Variants in NEMF observed in about 807,000 individuals in gnomAD.
NEMF encodes ribosome quality control complex subunit NEMF.
In NEMF, 89 loss-of-function variants were observed where a neutral mutation model predicts 162.2. The ratio of observed to expected loss-of-function variants is 0.55; its 90% confidence interval spans 0.46 to 0.65. The LOEUF is 0.65. NEMF is among the 30% of genes least tolerant of loss of function. NEMF has a pLI of 0.00. For missense variants in NEMF, 1,133 were observed against 1,261.9 expected (o/e 0.90, Z 1.55); for synonymous variants, 421 against 404.5 (o/e 1.04, Z -0.49).
intron 18 of NEMF, among the ~76,000 whole-genome samples, chr14:49,811,543 A>G (rs890702971): frequency 2.6e-5 from 4 of 152,188 alleles, no homozygotes; most frequent in African/African-American, 7.2e-5. Context: ...AAGGTACCCA[A>G]TCTTTCAGCA....
chr14:49,846,150 A>T lies in NEMF; in HGVS notation c.347T>A (p.Leu116His). Residue 116 changes from leucine (L) to histidine (H), a missense_variant, in exon 4 of 33, where the codon CTC (leucine) becomes CAC (histidine). Transcript: ENST00000298310. ...ACAAATTTAACTTACCCTATCATAG[A>T]GCTCAATGATTAAATGGTAAGCAGC... ...DEAAYHLIIE[L>H]YDRGNIVLTD... 6.2e-7 allele frequency: 1 copy of T among 1,613,022 alleles called. No individual in the cohort carries two copies. Among genetic ancestry groups the T allele is most frequent in the Admixed American group, 1.7e-5 (1 of 59,656 alleles).
At chr14:49,842,943 T>C (rs1893287411) in intron 4 of NEMF, among the ~76,000 whole-genome samples, 2 of 149,376 alleles carry the variant, frequency 1.3e-5, no homozygotes, top group South Asian at 2.1e-4. Context: ...GAGGCGGAGG[T>C]TGCAGTGAGC....
intron 16 of NEMF, among the ~76,000 whole-genome samples, chr14:49,817,121 T>C (rs1276767460): frequency 6.6e-6 from 1 of 152,080 alleles, no homozygotes; most frequent in Admixed American, 6.6e-5. Flanking sequence ...CTTTAAAATA[T>C]AAGGATGGAA....
At chr14:49,820,704 C>T (rs1421254309) in intron 16 of NEMF, among the ~76,000 whole-genome samples, 9 of 152,184 alleles carry the variant, frequency 5.9e-5, no homozygotes, top group Non-Finnish European at 1.5e-5. Flanking sequence ...TCTCGGCTCA[C>T]TGCAACCTCC....
intron 26 of NEMF, among the ~76,000 whole-genome samples, chr14:49,794,981 G>T (rs1217420343): frequency 2.0e-5 from 3 of 152,006 alleles, no homozygotes; most frequent in Non-Finnish European, 4.4e-5. Flanking sequence ...GCCTCCCAAA[G>T]TGCTGAGATT....
intron 26 of NEMF, among the ~76,000 whole-genome samples, chr14:49,790,084 G>C (rs549817152): frequency 3.9e-5 from 6 of 152,192 alleles, no homozygotes; most frequent in Non-Finnish European, 7.4e-5. Flanking sequence ...CCCCACCCTA[G>C]AGATTTTTGT....
intron 15 of NEMF, among the ~76,000 whole-genome samples, chr14:49,827,295 T>G (rs1012979800): frequency 4.6e-5 from 7 of 152,286 alleles, no homozygotes; most frequent in Middle Eastern, 6.8e-3. Context: ...CATTAGATTC[T>G]CCCACCTCAG....
intron 8 of NEMF, among the ~76,000 whole-genome samples, chr14:49,833,058 G>A (rs1012173383): frequency 6.6e-6 from 1 of 152,144 alleles, no homozygotes; most frequent in Non-Finnish European, 1.5e-5. Flanking sequence ...TTGAGGTCAG[G>A]AGTTCGAGAC....
intron 11 of NEMF, among the ~76,000 whole-genome samples, chr14:49,830,714 A>G (rs1892592926): frequency 6.6e-6 from 1 of 152,262 alleles, no homozygotes; most frequent in Admixed American, 6.5e-5. Flanking sequence ...TTGCACACAT[A>G]TTTTAAGACT....
intron 28 of NEMF, among the ~76,000 whole-genome samples, chr14:49,788,699 C>T (rs111620404): frequency 1.3e-3 from 198 of 151,954 alleles, no homozygotes; most frequent in African/African-American, 4.5e-3. Context: ...AGACTACAGG[C>T]GCTCACCACC....
intron 28 of NEMF, among the ~76,000 whole-genome samples, chr14:49,787,939 G>T (rs552930814): frequency 1.3e-5 from 2 of 152,244 alleles, no homozygotes; most frequent in African/African-American, 4.8e-5. Context: ...AAATGCTGGT[G>T]ACAAAGGTAA....
Position 49,840,773 on chromosome 14 carries a change from C to A in NEMF, c.451G>T (p.Glu151Ter). The change falls in exon 5 of 33, where the codon GAA (glutamate) becomes TAA (stop). Residue 151 changes from glutamate to a stop codon, truncating the protein, a stop_gained. Transcript: ENST00000298310. LOFTEE classifies it high-confidence loss of function. ...CTAGCATGATCAAGTGGATAGCGTT[C>A]ACGAACAGCAAATTTAACATCATCT... ...EADDVKFAVR[E>*]RYPLDHARAA... 6.2e-7 allele frequency: 1 copy of A among 1,614,034 alleles called. No homozygotes were observed. Among genetic ancestry groups the A allele is most frequent in the Non-Finnish European group, 8.5e-7 (1 of 1,179,988 alleles).
intron 18 of NEMF, among the ~76,000 whole-genome samples, chr14:49,810,905 C>T (rs780417347): frequency 2.6e-5 from 4 of 152,142 alleles, no homozygotes; most frequent in South Asian, 2.1e-4. Flanking sequence ...ATGGGAGGAT[C>T]GCTTCAGCCT....
At position 49,836,390 on chromosome 14, in the gene NEMF, G is replaced by T. The variant is rs189956963; in HGVS notation, c.574+1749C>A. On this transcript the variant is annotated intron_variant, in intron 6 of 32. Transcript: ENST00000298310. ...ATGCTGGCCGAGCGCAGTTGCTCAC[G>T]CCTGTAATCCCAGCACTTTGGGAGG... Among the ~76,000 whole-genome samples, 82 of 152,258 alleles carry T rather than the reference G, an allele frequency of 5.4e-4. No individual in the cohort carries two copies. The East Asian group carries it at 8.5e-3, about 16-fold the overall frequency.
In NEMF at chr14:49,783,544, T is replaced by TTAA. The variant is rs1380636020; in HGVS notation, c.*1089_*1091dup. ...AGTCAATTAAAAAGTTTTTTTTTAA[T>TTAA]TAATAGGTTTTATAGCTCATGAAGG... On this transcript the variant is annotated 3_prime_UTR_variant, in exon 33 of 33. Coordinates refer to ENST00000298310, the MANE Select transcript of NEMF (RefSeq NM_004713.6). 1.3e-5 allele frequency: 2 copies of TTAA among 152,062 alleles called. No homozygotes were observed. The highest frequency in any genetic ancestry group is 1.5e-5 in the Non-Finnish European group (1 of 68,020). 9.4% of individuals were successfully genotyped at this position (152,062 alleles called of 1,614,324 possible).
At chr14:49,833,541 G>A in intron 7 of NEMF, 45 bp from the exon 8 acceptor site, 1 of 1,303,934 alleles carries the variant, frequency 7.7e-7, no homozygotes, top group Non-Finnish European at 1.1e-6. Context: ...CCAATCAAGT[G>A]TCAATTAACC....
intron 3 of NEMF, among the ~76,000 whole-genome samples, chr14:49,846,502 G>C (rs1457606853): frequency 6.6e-6 from 1 of 152,200 alleles, no homozygotes; most frequent in African/African-American, 2.4e-5. Context: ...GTCTCACTCT[G>C]TCACCCAAAC....
Position 49,789,185 on chromosome 14 carries a change from CTCATGAGTT to C in NEMF, c.2847_2855del (p.Ile949_Glu952delinsMet). On this transcript the variant is annotated inframe_deletion, in exon 28 of 33. Coordinates refer to ENST00000298310, the MANE Select transcript of NEMF (RefSeq NM_004713.6). ...GATCATCTACAGCAAAGTCTTGTAACTCATGAGTTATAACCTCAAGGAACGGAGTTTCTT... is the reference window on the plus strand; with the variant it reads ...GATCATCTACAGCAAAGTCTTGTAACATAACCTCAAGGAACGGAGTTTCTT... The C allele has an allele frequency of 6.2e-7, 1 of 1,614,164 alleles. No homozygotes were observed.
At chr14:49,846,376 T>G in intron 3 of NEMF, 111 bp from the exon 4 acceptor site, 3 of 982,786 alleles carry the variant, frequency 3.1e-6, no homozygotes, top group Non-Finnish European at 4.6e-6. Flanking sequence ...TTTAAAACGT[T>G]GTGAATAACA....
Sources: allele counts gnomAD v4.1 joint callset (sites outside exome capture counted in the v4.1 genomes callset), GRCh38; gene constraint gnomAD v4.1.1; transcripts MANE v1.5; gene names NCBI Gene and HGNC (gene_info 2026-07-23, HGNC 2026-07-21).